The following SREK1IP1 variants were observed in gnomAD, a reference collection of about 807,000 sequenced individuals.
SREK1IP1 encodes the protein SREK1 interacting protein 1, also known as protein SREK1IP1.
A neutral mutation model predicts 22.8 loss-of-function variants in SREK1IP1; 12 were observed. That is an observed-to-expected ratio of 0.53 (90% CI 0.34 to 0.85). The LOEUF (loss-of-function observed/expected upper bound fraction) is 0.85. Among genes scored for constraint, SREK1IP1 ranks in the 40% least tolerant of loss-of-function variants. The probability of loss-of-function intolerance (pLI) is 0.02; values close to 1 mark genes in which losing one functional copy is unlikely to be tolerated. For synonymous variants in SREK1IP1, 53 were observed against 52.7 expected (o/e 1.01, Z -0.02); for missense variants, 147 against 171.8 (o/e 0.86, Z 0.81).
At position 64,765,639 on chromosome 5, in the gene SREK1IP1, A is replaced by C. The variant is rs757221647; in HGVS notation, c.13+2866T>G. 2.0e-5 allele frequency among the ~76,000 whole-genome samples: 3 copies of C among 152,196 alleles called. No individual in the cohort carries two copies. In the South Asian group the frequency reaches 6.2e-4, roughly 31 times the overall value. On this transcript the variant is annotated intron_variant, in intron 1 of 4. Transcript: ENST00000513458. ...ATTATCTCAATTATTGCTGGGTTTA[A>C]ACAGTTTATAGCTTGCCATCTAGCT...
intron 3 of SREK1IP1, among the ~76,000 whole-genome samples, chr5:64,735,642 T>C (rs1248474597): frequency 6.6e-6 from 1 of 152,138 alleles, no homozygotes; most frequent in African/African-American, 2.4e-5. Flanking sequence ...ATCCAATTTA[T>C]TGGCATAAAG....
At chr5:64,753,278 TA>T (rs1378986785) in intron 2 of SREK1IP1, among the ~76,000 whole-genome samples, 8 of 152,170 alleles carry the variant, frequency 5.3e-5, no homozygotes, top group Admixed American at 5.2e-4. Flanking sequence ...ATGAGGCAGG[TA>T]AGTCAGCAAT....
At chr5:64,761,113 A>T (rs1274080468) in intron 1 of SREK1IP1, among the ~76,000 whole-genome samples, 1 of 152,194 alleles carries the variant, frequency 6.6e-6, no homozygotes, top group African/African-American at 2.4e-5. Flanking sequence ...TTAATTCATG[A>T]TGTCAGAGTC....
At chr5:64,738,174 G>C (rs1394557991) in intron 3 of SREK1IP1, among the ~76,000 whole-genome samples, 1 of 152,070 alleles carries the variant, frequency 6.6e-6, no homozygotes, top group African/African-American at 2.4e-5. Flanking sequence ...ACAATCTTCA[G>C]CAAAATTCTA....
At chr5:64,746,230 CAAATA>C (rs1260933562) in intron 2 of SREK1IP1, among the ~76,000 whole-genome samples, 2 of 151,950 alleles carry the variant, frequency 1.3e-5, no homozygotes, top group African/African-American at 4.8e-5. Flanking sequence ...AAAAATGGGT[CAAATA>C]AAATAAAATA....
chr5:64,749,068 AATAATAATAATAAT>A (rs1249950148), intron 2 of SREK1IP1, among the ~76,000 whole-genome samples: 4 of 78,746 alleles, frequency 5.1e-5, no homozygotes, highest in Non-Finnish European at 1.1e-4. Context: ...ACATAATAAT[AATAATAATAATAAT>A]AATAATAATA....
chr5:64,727,115 G>A (rs1463631405), intron 4 of SREK1IP1, among the ~76,000 whole-genome samples: 1 of 152,064 alleles, frequency 6.6e-6, no homozygotes, highest in Admixed American at 6.5e-5. Context: ...CAATTTATAA[G>A]ATACCTGAAA....
intron 1 of SREK1IP1, among the ~76,000 whole-genome samples, chr5:64,760,818 T>C (rs1290904566): frequency 6.6e-6 from 1 of 152,230 alleles, no homozygotes; most frequent in Non-Finnish European, 1.5e-5. Flanking sequence ...ATATTAGACA[T>C]ACCTCTGTAA....
At chr5:64,746,303 T>TGGCAATGGATTC (rs1455809852) in intron 2 of SREK1IP1, among the ~76,000 whole-genome samples, 1 of 152,202 alleles carries the variant, frequency 6.6e-6, no homozygotes, top group Non-Finnish European at 1.5e-5. Flanking sequence ...ACCTTGGATT[T>TGGCAATGGATTC]GGCAATGGAT....
At chr5:64,725,861 C>CTTTTTTTT (rs547845420) in intron 4 of SREK1IP1, among the ~76,000 whole-genome samples, 5 of 112,026 alleles carry the variant, frequency 4.5e-5, no homozygotes, top group South Asian at 2.9e-4. Flanking sequence ...TTGTTTGTTT[C>CTTTTTTTT]TTTTTTTTTT....
intron 2 of SREK1IP1, among the ~76,000 whole-genome samples, chr5:64,748,976 G>C (rs754226001): frequency 6.6e-6 from 1 of 151,176 alleles, no homozygotes; most frequent in Non-Finnish European, 1.5e-5. Context: ...TTTAATACAC[G>C]GTACCAGGTT....
In SREK1IP1 at chr5:64,740,080, C is replaced by T. The variant is rs149398065; in HGVS notation, c.205+977G>A. Among the ~76,000 whole-genome samples, 1,150 of 152,102 alleles carry T rather than the reference C, an allele frequency of 7.6e-3. 6 individuals are homozygous for T. The highest frequency in any genetic ancestry group is 0.041 in the Middle Eastern group (12 of 294). ...CAAAGTAGTTTAATTTATGGCATCA[C>T]GTTTAATCCCTAAAAACCCCACTGC... On this transcript the variant is annotated intron_variant, in intron 3 of 4. Coordinates refer to ENST00000513458, the MANE Select transcript of SREK1IP1 (RefSeq NM_173829.4).
intron 3 of SREK1IP1, among the ~76,000 whole-genome samples, chr5:64,732,032 G>T (rs774227088): frequency 6.6e-6 from 1 of 152,156 alleles, no homozygotes; most frequent in Non-Finnish European, 1.5e-5. Context: ...TACATCTGGA[G>T]ACTCAGAAAT....
chr5:64,727,553 A>ATATATATATATTTTTTT, intron 4 of SREK1IP1: 3 of 84,682 alleles, frequency 3.5e-5, no homozygotes, highest in African/African-American at 1.6e-4. Context: ...ATATATATAT[A>ATATATATATATTTTTTT]TTTTTTTTTT....
chr5:64,720,786 G>A lies in SREK1IP1; in HGVS notation c.*3598C>T, dbSNP rs1213769564. 6.6e-6 allele frequency: 1 copy of A among 152,382 alleles called. No homozygotes were observed. Among genetic ancestry groups the A allele is most frequent in the Non-Finnish European group, 1.5e-5 (1 of 68,182 alleles). The allele number at this position is 152,382 out of a possible 1,614,324, so 9.4% of individuals were successfully genotyped here. A position where few individuals can be genotyped will look rare whatever the true frequency, so the allele number is the denominator to read the frequency against. ...GCCTCCCAAAGTGCTGGGATTACAG[G>A]CGTGAGCCACTGTGCCCGGCCCCCC... On this transcript the variant is annotated 3_prime_UTR_variant, in exon 5 of 5. Coordinates refer to ENST00000513458, the MANE Select transcript of SREK1IP1 (RefSeq NM_173829.4).
Position 64,768,649 on chromosome 5 carries a change from G to A in SREK1IP1, c.-132C>T. ...GCGCAGCAGCACCCTCGCTACGGTC[G>A]GGAAGGGCCTGTACGCCTCTAGCGA... On this transcript the variant is annotated 5_prime_UTR_variant, in exon 1 of 5. Coordinates refer to ENST00000513458, the MANE Select transcript of SREK1IP1 (RefSeq NM_173829.4). 4 of 1,321,928 alleles carry A rather than the reference G, an allele frequency of 3.0e-6. No individual in the cohort carries two copies. The highest frequency in any genetic ancestry group is 1.2e-5 in the South Asian group (1 of 81,248). 81.9% of individuals were successfully genotyped at this position (1,321,928 alleles called of 1,614,324 possible).
At chr5:64,737,551 C>A in intron 3 of SREK1IP1, among the ~76,000 whole-genome samples, 2 of 125,586 alleles carry the variant, frequency 1.6e-5, no homozygotes, top group Non-Finnish European at 3.5e-5. Flanking sequence ...AAAAACACAA[C>A]CAAACATTAT....
At chr5:64,731,246 G>A (rs539274176) in intron 3 of SREK1IP1, among the ~76,000 whole-genome samples, 1 of 152,134 alleles carries the variant, frequency 6.6e-6, no homozygotes, top group East Asian at 1.9e-4. Context: ...ACAATGAGAG[G>A]ACTTGAGATG....
chr5:64,761,395 G>A (rs763334753), intron 1 of SREK1IP1, among the ~76,000 whole-genome samples: 4 of 152,140 alleles, frequency 2.6e-5, no homozygotes, highest in Non-Finnish European at 5.9e-5. Context: ...TCTGAGAAAT[G>A]TGTTGTTAGG....
Sources: allele counts gnomAD v4.1 joint callset (sites outside exome capture counted in the v4.1 genomes callset), GRCh38; gene constraint gnomAD v4.1.1; transcripts MANE v1.5; gene names NCBI Gene and HGNC (gene_info 2026-07-23, HGNC 2026-07-21).